LTN1: variants seen among roughly 807,000 people sequenced by gnomAD.
The protein encoded by LTN1 is E3 ubiquitin-protein ligase listerin.
LTN1 carries 88 observed loss-of-function variants against 201.2 expected under a neutral mutation model. The ratio of observed to expected loss-of-function variants is 0.44; its 90% CI spans 0.37 to 0.52. The LOEUF (loss-of-function observed/expected upper bound fraction) is 0.52, where lower values mean the gene tolerates loss of function less well. LTN1 is among the 20% of genes least tolerant of loss of function. The probability of loss-of-function intolerance (pLI) is 0.00; values close to 1 mark genes in which losing one functional copy is unlikely to be tolerated. For missense variants in LTN1, 1,752 were observed against 2,038.7 expected (o/e 0.86, Z 2.71); for synonymous variants, 645 against 713.5 (o/e 0.90, Z 1.53).
At chr21:28,959,743 G>C in intron 12 of LTN1, 46 bp from the exon 13 acceptor site, 1 of 1,425,306 alleles carries the variant, frequency 7.0e-7, no homozygotes, top group Non-Finnish European at 9.4e-7. Context: ...AAATATTAAC[G>C]TGTATTTTTA....
intron 9 of LTN1, among the ~76,000 whole-genome samples, chr21:28,968,959 A>G (rs2084549621): frequency 6.6e-6 from 1 of 150,846 alleles, no homozygotes; most frequent in South Asian, 2.1e-4. Context: ...GGTGGCTCAC[A>G]CCTGTAATCC....
chr21:28,985,736 T>G (rs1422830005), intron 3 of LTN1, among the ~76,000 whole-genome samples: 1 of 151,720 alleles, frequency 6.6e-6, no homozygotes, highest in South Asian at 2.1e-4. Context: ...CTTGGCTCAC[T>G]GCAACCTCCG....
chr21:28,958,332 A>C, intron 14 of LTN1, 54 bp downstream of exon 14: 2 of 1,513,726 alleles, frequency 1.3e-6, no homozygotes, highest in Admixed American at 2.2e-5. Context: ...ATCTAATTTA[A>C]GGACACTGTT....
intron 11 of LTN1, among the ~76,000 whole-genome samples, chr21:28,961,152 G>A (rs1436901352): frequency 1.3e-5 from 2 of 152,040 alleles, no homozygotes; most frequent in Non-Finnish European, 2.9e-5. Context: ...TTCCTTGAGA[G>A]TAGAGACTGT....
At chr21:28,967,896 A>G (rs2084540031) in intron 9 of LTN1, 1 of 152,184 alleles carries the variant, frequency 6.6e-6, no homozygotes, top group Non-Finnish European at 1.5e-5. Context: ...CATAGCTGGT[A>G]TCTGCTGCAG....
At chr21:28,954,893 T>A (rs1023166173) in intron 16 of LTN1, among the ~76,000 whole-genome samples, 2 of 152,168 alleles carry the variant, frequency 1.3e-5, no homozygotes, top group Non-Finnish European at 2.9e-5. Context: ...TTTTTATGGC[T>A]AAGACTTCAA....
chr21:28,989,721 T>C (rs1333708811), intron 1 of LTN1, among the ~76,000 whole-genome samples: 2 of 152,186 alleles, frequency 1.3e-5, no homozygotes, highest in African/African-American at 4.8e-5. Context: ...TTCGAAGTTC[T>C]CTGAGGCAGG....
At chr21:28,936,754 A>C (rs546625709) in intron 25 of LTN1, 57 bp from the exon 26 acceptor site, 16 of 1,338,886 alleles carry the variant, frequency 1.2e-5, no homozygotes, top group South Asian at 1.1e-4. Context: ...AATTGGTATA[A>C]AAGAACAACT....
intron 23 of LTN1, 119 bp downstream of exon 23, chr21:28,943,548 G>A: frequency 2.5e-6 from 2 of 785,240 alleles, no homozygotes; most frequent in Admixed American, 5.4e-5. Flanking sequence ...CCCTATAAGT[G>A]AAGCAGTCAG....
rs1482633688 is a variant in LTN1, at chr21:28,959,505, G to A, written c.2546C>T (p.Thr849Ile). ...LMPSSEDLLLTLFQLCAQSKE... is the reference protein window; with the variant it reads ...LMPSSEDLLLILFQLCAQSKE... ...GCTCTGAGCACATAACTGAAAGAGA[G>A]TTAATAATAAATCTTCAGATGATGG... Residue 849 changes from threonine to isoleucine, a missense_variant, in exon 13 of 30, where the codon ACT becomes ATT. Thr to Ile is a moderately conservative substitution (Grantham distance 89, BLOSUM62 -1). Transcript: ENST00000361371. 1.2e-6 allele frequency: 2 copies of A among 1,613,852 alleles called. No individual in the cohort carries two copies. Among genetic ancestry groups the A allele is most frequent in the South Asian group, 2.2e-5 (2 of 91,080 alleles).
intron 25 of LTN1, 103 bp from the exon 26 acceptor site, chr21:28,936,800 C>T: frequency 1.2e-6 from 1 of 800,442 alleles, no homozygotes; most frequent in Non-Finnish European, 2.0e-6. Flanking sequence ...CATAAACTAG[C>T]AGACATTCTA....
chr21:28,984,803 C>T lies in LTN1; in HGVS notation c.465G>A (p.Gln155=), dbSNP rs16983591. 4.0e-3 allele frequency: 6,376 copies of T among 1,614,110 alleles called. 213 individuals are homozygous for T. In the African/African-American group the frequency reaches 0.075, roughly 19 times the overall value. The change falls in exon 4 of 30, where the codon CAG becomes CAA. Residue 155 remains glutamine, a synonymous_variant. Transcript: ENST00000361371. ...ACGCAGCTGGTGTGTAAGTATCACA[C>T]TGAGCCATTAGCCAATATCCCATTA... ...KSLMGYWLMA[Q]CDTYTPAAFA...
intron 8 of LTN1, among the ~76,000 whole-genome samples, chr21:28,969,808 G>A (rs1395359407): frequency 6.6e-6 from 1 of 151,868 alleles, no homozygotes; most frequent in African/African-American, 2.4e-5. Flanking sequence ...TTCAAAAAAT[G>A]TATCAGTAAA....
At chr21:28,972,620 G>A (rs2832147) in intron 6 of LTN1, among the ~76,000 whole-genome samples, 15,724 of 152,124 alleles carry the variant, frequency 0.1, 1,118 homozygotes, top group East Asian at 0.33. Flanking sequence ...GAAATTATCC[G>A]CAAAGCATCA....
At chr21:28,990,827 C>G (rs778354622) in intron 1 of LTN1, among the ~76,000 whole-genome samples, 1 of 152,212 alleles carries the variant, frequency 6.6e-6, no homozygotes, top group Non-Finnish European at 1.5e-5. Flanking sequence ...ACACTCCTCT[C>G]CCCGCTTAAA....
chr21:28,943,376 A>ACCTGT, intron 23 of LTN1, 40 bp from the exon 24 acceptor site: 1 of 1,223,000 alleles, frequency 8.2e-7, no homozygotes, highest in Non-Finnish European at 1.2e-6. Flanking sequence ...GTGATATTAA[A>ACCTGT]CTGTTTATTA....
chr21:28,983,512 T>C (rs1215417380), intron 4 of LTN1, among the ~76,000 whole-genome samples: 1 of 152,112 alleles, frequency 6.6e-6, no homozygotes, highest in Non-Finnish European at 1.5e-5. Flanking sequence ...ACCTGAGAAA[T>C]GAAGAATGGA....
chr21:28,986,906 A>G lies in LTN1; in HGVS notation c.71T>C (p.Leu24Pro). 1 of 1,614,180 alleles carries G rather than the reference A, an allele frequency of 6.2e-7. No individual in the cohort carries two copies. Among genetic ancestry groups the G allele is most frequent in the South Asian group, 1.1e-5 (1 of 91,082 alleles). ...CACTGTTCCCTGTTCTTTGGCAAGG[A>G]GTTCTGCAGCTCGGCCACTGTTTGA... ...RPSNSGRAAE[L>P]LAKEQGTVPG... The change falls in exon 2 of 30, where the codon CTC becomes CCC. Residue 24 changes from leucine to proline, a missense_variant. Physicochemically the swap from Leu to Pro is moderately conservative, Grantham distance 98 (BLOSUM62 -3). This residue lies in a region of LTN1 where 280 missense variants were observed against 375.7 expected (regional missense o/e 0.75). Transcript: ENST00000361371. This position sits in a 1 kb window ranked among gnomAD's most constrained non-coding sequence, Gnocchi z 4.1.
Position 28,986,135 on chromosome 21 carries a change from T to C in LTN1, c.345+4A>G, listed in dbSNP as rs374118459. On this transcript the variant is annotated splice_donor_region_variant and intron_variant, in intron 3 of 29. Coordinates refer to ENST00000361371, the MANE Select transcript of LTN1 (RefSeq NM_015565.3). This position sits in a 1 kb window ranked among gnomAD's most constrained non-coding sequence, Gnocchi z 4.1. Reference sequence around the variant, plus strand: ...AAATAAACTAGCAAAGTTTTAATACTTACAAGTGAAATTTTGCAAAAAATT... The same window carrying C: ...AAATAAACTAGCAAAGTTTTAATACCTACAAGTGAAATTTTGCAAAAAATT... The C allele has an allele frequency of 3.8e-5, 59 of 1,543,148 alleles. No homozygotes were observed. The Middle Eastern group carries it at 5.0e-4, about 13-fold the overall frequency.
Sources: allele counts gnomAD v4.1 joint callset (sites outside exome capture counted in the v4.1 genomes callset), GRCh38; gene constraint gnomAD v4.1.1; regional missense constraint gnomAD v4.1.1; non-coding constraint Gnocchi (gnomAD v3.1); transcripts MANE v1.5; gene names NCBI Gene and HGNC (gene_info 2026-07-23, HGNC 2026-07-21).